MACROD2: variants seen among roughly 807,000 people sequenced by gnomAD.
MACROD2 encodes ADP-ribose glycohydrolase MACROD2.
A neutral mutation model predicts 70.4 loss-of-function variants in MACROD2; 36 were observed. The observed-to-expected ratio is 0.51, with a 90% CI of 0.39 to 0.68. The LOEUF is 0.68. MACROD2 is among the 30% of genes least tolerant of loss of function. MACROD2 has a pLI of 0.00. For missense variants in MACROD2, 496 were observed against 538.4 expected, an observed-to-expected ratio of 0.92 and a Z score of 0.78; for synonymous variants, 172 against 178.8, an observed-to-expected ratio of 0.96 and a Z score of 0.30.
chr20:14,508,624 G>A (rs566938550), intron 4 of MACROD2, among the ~76,000 whole-genome samples: 16 of 152,234 alleles, frequency 1.1e-4, no homozygotes, highest in Non-Finnish European at 1.8e-4. Flanking sequence ...TCCAGGCACC[G>A]TTCTAGGTAG....
intron 8 of MACROD2, among the ~76,000 whole-genome samples, chr20:15,727,410 T>G (rs1367869854): frequency 6.6e-6 from 1 of 151,828 alleles, no homozygotes; most frequent in Non-Finnish European, 1.5e-5. Context: ...TAAGATTGCC[T>G]CTATTTGGGC....
chr20:16,027,023 G>T (rs764978008), intron 15 of MACROD2, among the ~76,000 whole-genome samples: 1 of 152,144 alleles, frequency 6.6e-6, no homozygotes, highest in Non-Finnish European at 1.5e-5. Flanking sequence ...AAAGATCAAA[G>T]ATTAAGGCCC....
chr20:15,520,972 C>T (rs1159999248), intron 8 of MACROD2, among the ~76,000 whole-genome samples: 1 of 152,220 alleles, frequency 6.6e-6, no homozygotes, highest in African/African-American at 2.4e-5. Flanking sequence ...CATTCTGTTT[C>T]TCATCAGATA....
chr20:14,793,587 G>A (rs879467338), intron 5 of MACROD2, among the ~76,000 whole-genome samples: 1 of 151,980 alleles, frequency 6.6e-6, no homozygotes, highest in African/African-American at 2.4e-5. Flanking sequence ...TACCGGGGTT[G>A]GAAAGCTACA....
intron 6 of MACROD2, among the ~76,000 whole-genome samples, chr20:15,255,701 A>G (rs1163684440): frequency 6.6e-6 from 1 of 152,170 alleles, no homozygotes; most frequent in East Asian, 1.9e-4. Context: ...ATATTTTACA[A>G]GAGCACGTAT....
At chr20:14,319,189 GC>G (rs2082637968) in intron 3 of MACROD2, among the ~76,000 whole-genome samples, 2 of 151,954 alleles carry the variant, frequency 1.3e-5, no homozygotes, top group Admixed American at 1.3e-4. Flanking sequence ...CTTCCTTAGA[GC>G]CTGAACTACA....
rs75177932 is a variant in MACROD2, at chr20:14,896,842, T to G, written c.418+211883T>G. Among the ~76,000 whole-genome samples, 586 of 146,442 alleles carry G rather than the reference T, an allele frequency of 4.0e-3. 6 individuals are homozygous for G. The highest frequency in any genetic ancestry group is 0.014 in the African/African-American group (566 of 39,374). Reference sequence around the variant, plus strand: ...CTCTAGTCCAGTATAAACAATGTTTTTAATCACCTTCAAAAAACTGTTGCA... The same window carrying G: ...CTCTAGTCCAGTATAAACAATGTTTGTAATCACCTTCAAAAAACTGTTGCA... On this transcript the variant is annotated intron_variant, in intron 5 of 17. Transcript: ENST00000684519.
At chr20:15,317,032 A>G (rs1232225547) in intron 6 of MACROD2, among the ~76,000 whole-genome samples, 3 of 152,074 alleles carry the variant, frequency 2.0e-5, no homozygotes, top group Admixed American at 6.6e-5. Flanking sequence ...ACACACATAC[A>G]CAAACTTACA....
intron 5 of MACROD2, among the ~76,000 whole-genome samples, chr20:14,716,051 T>G (rs979026661): frequency 6.6e-6 from 1 of 152,292 alleles, no homozygotes; most frequent in East Asian, 1.9e-4. Context: ...ACGCTACATA[T>G]TCATGCAATT....
At chr20:15,429,810 A>G (rs916497928) in intron 6 of MACROD2, among the ~76,000 whole-genome samples, 2 of 152,008 alleles carry the variant, frequency 1.3e-5, no homozygotes, top group African/African-American at 4.8e-5. Context: ...AGGGGGTACA[A>G]GTGCACTGTT....
intron 7 of MACROD2, among the ~76,000 whole-genome samples, chr20:15,448,659 G>T (rs1180082772): frequency 6.6e-6 from 1 of 152,092 alleles, no homozygotes; most frequent in East Asian, 1.9e-4. Flanking sequence ...TTTTGGGCTT[G>T]TCCTGACAAC....
intron 3 of MACROD2, among the ~76,000 whole-genome samples, chr20:14,143,676 A>T (rs1476946634): frequency 6.6e-6 from 1 of 152,170 alleles, no homozygotes; most frequent in Non-Finnish European, 1.5e-5. Context: ...TTTGAAATGT[A>T]AAGTTTCTGC....
At chr20:15,631,456 T>C (rs1379622141) in intron 8 of MACROD2, among the ~76,000 whole-genome samples, 1 of 152,234 alleles carries the variant, frequency 6.6e-6, no homozygotes, top group Non-Finnish European at 1.5e-5. Context: ...ACACATTCTT[T>C]CAACTCTGTT....
At chr20:14,923,039 A>G (rs1187660087) in intron 5 of MACROD2, among the ~76,000 whole-genome samples, 1 of 152,170 alleles carries the variant, frequency 6.6e-6, no homozygotes, top group African/African-American at 2.4e-5. Flanking sequence ...TTTCTTCAGC[A>G]TTGTTAGAGC....
chr20:14,602,450 C>A (rs1249601471), intron 4 of MACROD2, among the ~76,000 whole-genome samples: 1 of 152,208 alleles, frequency 6.6e-6, no homozygotes, highest in Non-Finnish European at 1.5e-5. Flanking sequence ...TCCCTATCTG[C>A]CTAGGTATTT....
intron 5 of MACROD2, among the ~76,000 whole-genome samples, chr20:14,750,066 G>A (rs1046598559): frequency 3.3e-5 from 5 of 152,080 alleles, no homozygotes; most frequent in African/African-American, 9.7e-5. Context: ...TAAATTTTAT[G>A]TTGTGTGTTT....
chr20:15,610,989 A>ATTTTT (rs1600665066), intron 8 of MACROD2, among the ~76,000 whole-genome samples: 3 of 79,870 alleles, frequency 3.8e-5, no homozygotes, highest in African/African-American at 1.2e-4. Context: ...TTAGCCAAAA[A>ATTTTT]TCTTTTTTTT....
chr20:15,389,142 A>G (rs8122250), intron 6 of MACROD2, among the ~76,000 whole-genome samples: 6,206 of 152,284 alleles, frequency 0.041, 187 homozygotes, highest in Admixed American at 0.075. Context: ...GAGTAGAGAC[A>G]TGGTACCTGC....
chr20:15,090,652 G>A (rs547158257), intron 5 of MACROD2, among the ~76,000 whole-genome samples: 1 of 152,152 alleles, frequency 6.6e-6, no homozygotes, highest in South Asian at 2.1e-4. Flanking sequence ...GGTGATGAGT[G>A]GGCAAACTCA....
Sources: allele counts gnomAD v4.1 joint callset (sites outside exome capture counted in the v4.1 genomes callset), GRCh38; gene constraint gnomAD v4.1.1; transcripts MANE v1.5; gene names NCBI Gene and HGNC (gene_info 2026-07-23, HGNC 2026-07-21).